Variants in EIF4H observed in about 807,000 individuals in gnomAD.
EIF4H encodes eukaryotic translation initiation factor 4H.
Under a neutral mutation model 30.6 loss-of-function variants are expected in EIF4H, and 8 were observed. That is an observed-to-expected ratio of 0.26 (90% CI 0.15 to 0.47). EIF4H has a LOEUF of 0.47. Among genes scored for constraint, EIF4H ranks in the 20% least tolerant of loss-of-function variants. The probability of loss-of-function intolerance (pLI) is 0.99; values close to 1 mark genes in which losing one functional copy is unlikely to be tolerated. For synonymous variants in EIF4H, 106 were observed against 122.7 expected (o/e 0.86, Z 0.90); for missense variants, 188 against 339.5 (o/e 0.55, Z 3.51).
At chr7:74,191,625 T>C (rs551483968) in intron 5 of EIF4H, among the ~76,000 whole-genome samples, 1 of 152,286 alleles carries the variant, frequency 6.6e-6, no homozygotes, top group East Asian at 1.9e-4. Context: ...TAATGATACC[T>C]GCTCATGTAA....
At chr7:74,187,823 ATAT>A in intron 2 of EIF4H, 25 bp downstream of exon 2, 1 of 1,566,368 alleles carries the variant, frequency 6.4e-7, no homozygotes, top group Non-Finnish European at 8.7e-7. Context: ...TTCTTATTGT[ATAT>A]TACTGTAAAG....
In EIF4H at chr7:74,179,380, C is replaced by A. The variant is rs547819672; in HGVS notation, c.59+4938C>A. Reference sequence around the variant, plus strand: ...GGCGCGGTGGCTCACTCCTGTAACCCCAGGACTTTGGGAGGCCAAGGCGGG... The same window carrying A: ...GGCGCGGTGGCTCACTCCTGTAACCACAGGACTTTGGGAGGCCAAGGCGGG... On this transcript the variant is annotated intron_variant, in intron 1 of 6. Coordinates refer to ENST00000265753, the MANE Select transcript of EIF4H (RefSeq NM_022170.2). Among the ~76,000 whole-genome samples, 5 of 152,282 alleles carry A rather than the reference C, an allele frequency of 3.3e-5. No homozygotes were observed. In the East Asian group the frequency reaches 9.6e-4, roughly 29 times the overall value.
In EIF4H at chr7:74,174,398, C is replaced by T. The variant is rs1554707321; in HGVS notation, c.15C>T (p.Asp5=). 17 of 1,462,100 alleles carry T rather than the reference C, an allele frequency of 1.2e-5. No individual in the cohort carries two copies. The highest frequency in any genetic ancestry group is 2.7e-5 in the South Asian group (2 of 73,690). The allele number at this position is 1,462,100 out of a possible 1,614,324, so 90.6% of individuals were successfully genotyped here. A position where few individuals can be genotyped will look rare whatever the true frequency, so the allele number is the denominator to read the frequency against. Residue 5 remains aspartate (D), a synonymous_variant, in exon 1 of 7, where the codon GAC becomes GAT. Transcript: ENST00000265753. The part of the protein sequence containing the change: MADF[D]TYDDRAYSSF... ...GGAGACGGCAAATGGCGGACTTCGACACCTACGACGATCGGGCCTACAGCA... is the reference window on the plus strand; with the variant it reads ...GGAGACGGCAAATGGCGGACTTCGATACCTACGACGATCGGGCCTACAGCA...
intron 5 of EIF4H, among the ~76,000 whole-genome samples, chr7:74,193,108 C>T (rs1801262148): frequency 1.3e-5 from 2 of 152,182 alleles, no homozygotes; most frequent in African/African-American, 4.8e-5. Flanking sequence ...TTAGAAAGCT[C>T]ATCCCACACC....
chr7:74,178,838 G>A (rs984736706), intron 1 of EIF4H, among the ~76,000 whole-genome samples: 1 of 152,210 alleles, frequency 6.6e-6, no homozygotes, highest in African/African-American at 2.4e-5. Context: ...TAAGTCGAAT[G>A]TTCTTCGAAG....
At chr7:74,177,000 C>T (rs1346916899) in intron 1 of EIF4H, among the ~76,000 whole-genome samples, 1 of 152,154 alleles carries the variant, frequency 6.6e-6, no homozygotes, top group Admixed American at 6.5e-5. Context: ...AACCACCGAT[C>T]CTGAGAATTA....
rs56163691 is a variant in EIF4H, at chr7:74,193,574, G to T, written c.470-1167G>T. Among the ~76,000 whole-genome samples, 9 of 151,846 alleles carry T rather than the reference G, an allele frequency of 5.9e-5. No individual in the cohort carries two copies. The South Asian group carries it at 6.2e-4, about 11-fold the overall frequency. On this transcript the variant is annotated intron_variant, in intron 5 of 6. Transcript: ENST00000265753. ...CTGAGTGCGCAACCAACAGCAGCAA[G>T]CTCATTTGTTTAATTATGGTTTAAC...
In EIF4H at chr7:74,195,641, T is replaced by G. The variant is rs1440985551; in HGVS notation, c.*333T>G. Reference sequence around the variant, plus strand: ...GAGGTGGCCGCCGTGGGGGGGCGTTTGGGCTGCGGTGCTGCGTCATTTTTC... The same window carrying G: ...GAGGTGGCCGCCGTGGGGGGGCGTTGGGGCTGCGGTGCTGCGTCATTTTTC... On this transcript the variant is annotated 3_prime_UTR_variant, in exon 7 of 7. Coordinates refer to ENST00000265753, the MANE Select transcript of EIF4H (RefSeq NM_022170.2). 1 of 222,356 alleles carries G rather than the reference T, an allele frequency of 4.5e-6. No individual in the cohort carries two copies. Among genetic ancestry groups the G allele is most frequent in the East Asian group, 9.9e-5 (1 of 10,054 alleles). 13.8% of individuals were successfully genotyped at this position (222,356 alleles called of 1,614,324 possible). A position where few individuals can be genotyped will look rare whatever the true frequency, so the allele number is the denominator to read the frequency against.
At chr7:74,183,133 C>T (rs1324675694) in intron 1 of EIF4H, among the ~76,000 whole-genome samples, 2 of 152,198 alleles carry the variant, frequency 1.3e-5, no homozygotes, top group Non-Finnish European at 2.9e-5. Context: ...AAGTGATTTG[C>T]CTGTCAAGGA....
In EIF4H at chr7:74,174,392, C is replaced by G; in HGVS notation, c.9C>G (p.Asp3Glu). The change falls in exon 1 of 7, where the codon GAC becomes GAG. Residue 3 changes from aspartate (D) to glutamate (E), a missense_variant. By Grantham distance (45) the Asp-to-Glu change is conservative (BLOSUM62 2). Coordinates refer to ENST00000265753, the MANE Select transcript of EIF4H (RefSeq NM_022170.2). Reference protein sequence around the residue: MADFDTYDDRAYS... With the variant: MAEFDTYDDRAYS... ...CGGAGCGGAGACGGCAAATGGCGGA[C>G]TTCGACACCTACGACGATCGGGCCT... 4.8e-6 allele frequency: 7 copies of G among 1,461,192 alleles called. No individual in the cohort carries two copies. Among genetic ancestry groups the G allele is most frequent in the Non-Finnish European group, 6.4e-6 (7 of 1,092,650 alleles). 90.5% of individuals were successfully genotyped at this position (1,461,192 alleles called of 1,614,324 possible). A position where few individuals can be genotyped will look rare whatever the true frequency, so the allele number is the denominator to read the frequency against.
chr7:74,192,668 C>CTTTTTTTTTTTTTTTTTTTTTTTTTTTT, intron 5 of EIF4H, among the ~76,000 whole-genome samples: 1 of 93,186 alleles, frequency 1.1e-5, no homozygotes, highest in Non-Finnish European at 1.9e-5. Flanking sequence ...CTTTATGTGA[C>CTTTTTTTTTTTTTTTTTTTTTTTTTTTT]TTTTTTTTTT....
intron 1 of EIF4H, among the ~76,000 whole-genome samples, chr7:74,179,279 G>A (rs543491366): frequency 6.6e-6 from 1 of 152,274 alleles, no homozygotes; most frequent in Non-Finnish European, 1.5e-5. Flanking sequence ...TTCTATGAAG[G>A]TTAGTTGCAA....
At position 74,189,711 on chromosome 7, in the gene EIF4H, A is replaced by C; in HGVS notation, c.286A>C (p.Lys96Gln). The C allele has an allele frequency of 6.2e-7, 1 of 1,614,178 alleles. No individual in the cohort carries two copies. The highest frequency in any genetic ancestry group is 1.1e-5 in the South Asian group (1 of 91,080). Residue 96 changes from lysine to glutamine, a missense_variant, in exon 3 of 7, where the codon AAG becomes CAG. Lys to Gln is a moderately conservative substitution (Grantham distance 53, BLOSUM62 1). Coordinates refer to ENST00000265753, the MANE Select transcript of EIF4H (RefSeq NM_022170.2). ...YVEFDEVDSL[K>Q]EALTYDGALL... is the part of the protein sequence containing the mutation. ...AGAATTCGATGAAGTGGATTCCCTT[A>C]AGGAAGCCTTGACATACGATGGTGC...
intron 1 of EIF4H, among the ~76,000 whole-genome samples, chr7:74,176,754 G>T (rs1276441020): frequency 6.6e-6 from 1 of 152,216 alleles, no homozygotes; most frequent in Non-Finnish European, 1.5e-5. Flanking sequence ...GCCTGTAAGG[G>T]CATGTCCCCA....
chr7:74,191,383 TACTA>T (rs1396731805), intron 5 of EIF4H: 3 of 464,448 alleles, frequency 6.5e-6, no homozygotes, highest in Non-Finnish European at 1.3e-5. Context: ...GTTGCCCACA[TACTA>T]ACGTCTTTCT....
At chr7:74,175,785 T>A (rs1319223243) in intron 1 of EIF4H, among the ~76,000 whole-genome samples, 1 of 152,074 alleles carries the variant, frequency 6.6e-6, no homozygotes, top group Non-Finnish European at 1.5e-5. Context: ...AAATTCTTCT[T>A]AAACAGCGTG....
intron 2 of EIF4H, among the ~76,000 whole-genome samples, chr7:74,188,965 T>C (rs1201575204): frequency 6.6e-6 from 1 of 152,028 alleles, no homozygotes; most frequent in Non-Finnish European, 1.5e-5. Flanking sequence ...TGCGGTCTAG[T>C]GGGCTTCAAA....
intron 5 of EIF4H, among the ~76,000 whole-genome samples, chr7:74,192,867 G>A (rs572241270): frequency 2.4e-4 from 37 of 151,372 alleles, no homozygotes; most frequent in African/African-American, 7.0e-4. Context: ...TAGTAGAGAC[G>A]GGGTCTCTCC....
chr7:74,194,142 G>A (rs1801287893), intron 5 of EIF4H, among the ~76,000 whole-genome samples: 2 of 152,214 alleles, frequency 1.3e-5, no homozygotes, highest in African/African-American at 4.8e-5. Flanking sequence ...GAGGCGCTGT[G>A]CTCTCTGCTC....
Sources: gnomAD v4.1 joint callset for allele counts (sites outside exome capture counted in the v4.1 genomes callset) on GRCh38, gnomAD v4.1.1 for gene constraint, MANE v1.5 for transcripts, NCBI Gene and HGNC (gene_info 2026-07-23, HGNC 2026-07-21) for gene names.